Variants in RPS6KA2 observed in about 807,000 individuals in gnomAD.
The protein encoded by RPS6KA2 is ribosomal protein S6 kinase A2, also known as ribosomal protein S6 kinase alpha-2.
RPS6KA2 carries 42 observed loss-of-function variants against 91.8 expected under a neutral mutation model. That is an observed-to-expected ratio of 0.46 (90% confidence interval 0.36 to 0.59). The LOEUF (loss-of-function observed/expected upper bound fraction) is 0.59. Among genes scored for constraint, RPS6KA2 ranks in the 20% least tolerant of loss-of-function variants. The pLI, the probability that RPS6KA2 is intolerant of heterozygous loss-of-function variation, is 0.00. For missense variants in RPS6KA2, 798 were observed against 978.5 expected (o/e 0.82, Z 2.46); for synonymous variants, 414 against 393.6 (o/e 1.05, Z -0.61).
rs1474730648 is a variant in RPS6KA2 at position 166,626,381 on chromosome 6, A to C, written c.99+540T>G. 6.6e-6 allele frequency among the ~76,000 whole-genome samples: 1 copy of C among 152,248 alleles called. No homozygotes were observed. Among genetic ancestry groups the C allele is most frequent in the Admixed American group, 6.5e-5 (1 of 15,286 alleles). On this transcript the variant is annotated intron_variant, in intron 1 of 20. Coordinates refer to ENST00000265678, the MANE Select transcript of RPS6KA2 (RefSeq NM_021135.6). The surrounding 1 kb of genome is among the most constrained non-coding windows in gnomAD (Gnocchi z 4.1). ...CTCCTGAACGCCGTTTTAGACGCCT[A>C]AGCAGATTGTGCTGCTGCCTGTTCT...
Position 166,508,360 on chromosome 6 carries a change from T to C in RPS6KA2, c.380-78A>G, listed in dbSNP as rs1782336634. On this transcript the variant is annotated intron_variant, in intron 4 of 20. Coordinates refer to ENST00000265678, the MANE Select transcript of RPS6KA2 (RefSeq NM_021135.6). The surrounding 1 kb of genome is among the most constrained non-coding windows in gnomAD (Gnocchi z 4.3). ...ACATCGCTCTCTGGCTTCTCCCTGC[T>C]CACGGTGCTGCTTACTCCGGGAGGC... 1.2e-5 allele frequency: 11 copies of C among 946,770 alleles called. No individual in the cohort carries two copies. In the East Asian group the frequency reaches 2.7e-4, roughly 23 times the overall value. The allele number at this position is 946,770 out of a possible 1,614,324, so 58.6% of individuals were successfully genotyped here. A position where few individuals can be genotyped will look rare whatever the true frequency, so the allele number is the denominator to read the frequency against.
intron 3 of RPS6KA2, among the ~76,000 whole-genome samples, chr6:166,527,132 C>T (rs573151965): frequency 4.7e-4 from 72 of 152,298 alleles, no homozygotes; most frequent in African/African-American, 1.6e-3. Flanking sequence ...CCAGGCTTAG[C>T]GACAACTTAA....
At chr6:166,843,112 G>A (rs559485627) in intron 2 of RPS6KA2, among the ~76,000 whole-genome samples, 100 of 152,184 alleles carry the variant, frequency 6.6e-4, no homozygotes, top group Admixed American at 6.5e-4. Flanking sequence ...TGTGACCGCC[G>A]CCTTTACCCC....
At chr6:166,687,211 G>A (rs901603129) in intron 2 of RPS6KA2, among the ~76,000 whole-genome samples, 3 of 152,162 alleles carry the variant, frequency 2.0e-5, no homozygotes, top group South Asian at 2.1e-4. Context: ...TTCCTCCTGC[G>A]TGCCAGGAGC....
Position 166,550,804 on chromosome 6 carries a change from C to G in RPS6KA2, c.100-12020G>C, listed in dbSNP as rs968333332. Among the ~76,000 whole-genome samples, 37 of 152,018 alleles carry G rather than the reference C, an allele frequency of 2.4e-4. 1 individual carries two copies. The highest frequency in any genetic ancestry group is 3.2e-4 in the Non-Finnish European group (22 of 67,968). ...GATCACAAGGTCAGGAGATCGACAC[C>G]ATCCTGGCTAACACGGTGAAACCCC... On this transcript the variant is annotated intron_variant, in intron 1 of 20. Coordinates refer to ENST00000265678, the MANE Select transcript of RPS6KA2 (RefSeq NM_021135.6).
At chr6:166,834,830 A>ATTAT (rs34377390) in intron 2 of RPS6KA2, among the ~76,000 whole-genome samples, 5,304 of 65,510 alleles carry the variant, frequency 0.081, 212 homozygotes, top group East Asian at 0.24. Flanking sequence ...ATGGCGTCCT[A>ATTAT]TTATTTATTT....
chr6:166,692,040 G>A (rs1219731353), intron 2 of RPS6KA2, among the ~76,000 whole-genome samples: 5 of 152,150 alleles, frequency 3.3e-5, no homozygotes, highest in Admixed American at 1.3e-4. Context: ...AGGTCAGGGC[G>A]TCCTGTGTTG....
chr6:166,628,788 A>G (rs1427656701), upstream of RPS6KA2, among the ~76,000 whole-genome samples: 1 of 152,278 alleles, frequency 6.6e-6, no homozygotes, highest in Non-Finnish European at 1.5e-5. Flanking sequence ...CTGGATACCA[A>G]GAGGCTTATG....
chr6:166,544,608 G>A (rs371080819), intron 1 of RPS6KA2: 1 of 152,150 alleles, frequency 6.6e-6, no homozygotes, highest in East Asian at 1.9e-4. Flanking sequence ...ACTATTCAAG[G>A]GACGAGAATT....
Position 166,504,472 on chromosome 6 carries a change from G to A in RPS6KA2, c.566+34C>T, listed in dbSNP as rs372825440. The A allele has an allele frequency of 1.8e-5, 23 of 1,271,638 alleles. 1 individual carries two copies. Among genetic ancestry groups the A allele is most frequent in the Middle Eastern group, 3.7e-4 (2 of 5,384 alleles). 78.8% of individuals were successfully genotyped at this position (1,271,638 alleles called of 1,614,324 possible). A position where few individuals can be genotyped will look rare whatever the true frequency, so the allele number is the denominator to read the frequency against. On this transcript the variant is annotated intron_variant, in intron 6 of 20. Transcript: ENST00000265678. ...AGGAAAATACATGGAGCTGATGGGC[G>A]TGGGGAAGTCAGCCCTAGTTTTTTC...
chr6:166,813,172 G>C (rs1249320518), intron 2 of RPS6KA2, among the ~76,000 whole-genome samples: 1 of 152,014 alleles, frequency 6.6e-6, no homozygotes, highest in Non-Finnish European at 1.5e-5. Flanking sequence ...ATCACACATG[G>C]GGGAGGTAGG....
chr6:166,690,576 G>A lies in RPS6KA2; in HGVS notation c.124-151792C>T, dbSNP rs188951824. 5.3e-5 allele frequency among the ~76,000 whole-genome samples: 8 copies of A among 152,248 alleles called. No homozygotes were observed. In the East Asian group the frequency reaches 9.6e-4, roughly 18 times the overall value. ...GAAGACACGCGTCGGAACTCCAGGC[G>A]TCCTCTGACACCTCGATGCAGCTCC... On this transcript the variant is annotated intron_variant, in intron 2 of 21. Transcript: ENST00000503859.
chr6:166,586,571 C>A (rs1785181676), intron 1 of RPS6KA2: 22 of 1,237,904 alleles, frequency 1.8e-5, no homozygotes, highest in African/African-American at 2.5e-5. Flanking sequence ...TCAGGCCGAA[C>A]CCCGCCGGCG....
At chr6:166,854,941 A>G (rs1232577055) in intron 2 of RPS6KA2, among the ~76,000 whole-genome samples, 9 of 152,284 alleles carry the variant, frequency 5.9e-5, no homozygotes, top group Admixed American at 1.3e-4. Flanking sequence ...TGGAATCAAC[A>G]TAAGTGTCCA....
In RPS6KA2 at chr6:166,771,175, C is replaced by G. The variant is rs143503552; in HGVS notation, c.123+87025G>C. Among the ~76,000 whole-genome samples the G allele has an allele frequency of 2.0e-5, 3 of 152,188 alleles. No individual in the cohort carries two copies. The East Asian group carries it at 5.8e-4, about 29-fold the overall frequency. On this transcript the variant is annotated intron_variant, in intron 2 of 21. Coordinates refer to the RPS6KA2 transcript ENST00000503859. ...TTTAGCCAAAGGAAGTGATGGTGTC[C>G]CATCACCAACCTCAAAGCTCAACGG...
chr6:166,768,483 C>T (rs897251423), intron 2 of RPS6KA2, among the ~76,000 whole-genome samples: 5 of 152,100 alleles, frequency 3.3e-5, no homozygotes, highest in African/African-American at 9.7e-5. Flanking sequence ...CTTAGCCAAG[C>T]GGCAGGGGCA....
Position 166,664,672 on chromosome 6 carries a change from T to C in RPS6KA2, c.124-125888A>G, listed in dbSNP as rs769300059. On this transcript the variant is annotated intron_variant, in intron 2 of 21. Coordinates refer to the RPS6KA2 transcript ENST00000503859. ...AAATTATTAGGCCAACCACAGAGAA[T>C]TGCAAAACTTTTGACTGTTTTTTAG... Among the ~76,000 whole-genome samples the C allele has an allele frequency of 5.6e-4, 86 of 152,350 alleles. 1 individual carries two copies. Among genetic ancestry groups the C allele is most frequent in the South Asian group, 2.1e-4 (1 of 4,826 alleles).
chr6:166,637,261 G>A (rs1449864089), intron 2 of RPS6KA2, among the ~76,000 whole-genome samples: 1 of 152,256 alleles, frequency 6.6e-6, no homozygotes, highest in Non-Finnish European at 1.5e-5. Flanking sequence ...GGACACACGA[G>A]TGCTTCCTAC....
intron 11 of RPS6KA2, among the ~76,000 whole-genome samples, chr6:166,467,926 G>C (rs536654287): frequency 6.6e-6 from 1 of 152,236 alleles, no homozygotes; most frequent in East Asian, 1.9e-4. Context: ...CAGATCATAC[G>C]GGGAGAAGCT....
Sources: gnomAD v4.1 joint callset for allele counts (sites outside exome capture counted in the v4.1 genomes callset) on GRCh38, gnomAD v4.1.1 for gene constraint, Gnocchi (gnomAD v3.1) non-coding constraint, MANE v1.5 for transcripts, NCBI Gene and HGNC (gene_info 2026-07-23, HGNC 2026-07-21) for gene names.